The following SSH1 variants were observed in gnomAD, a reference collection of about 807,000 sequenced individuals.
SSH1 encodes slingshot protein phosphatase 1.
A neutral mutation model predicts 79.7 loss-of-function variants in SSH1; 43 were observed. The ratio of observed to expected loss-of-function variants is 0.54; its 90% CI spans 0.42 to 0.70. The LOEUF is 0.70. Among genes scored for constraint, SSH1 ranks in the 30% least tolerant of loss-of-function variants. SSH1 has a pLI of 0.00. For synonymous variants in SSH1, 599 were observed against 538.3 expected (o/e 1.11, Z -1.56); for missense variants, 1,206 against 1,358.8 (o/e 0.89, Z 1.77).
chr12:108,800,021 A>T (rs1399420418), intron 12 of SSH1, among the ~76,000 whole-genome samples: 2 of 152,138 alleles, frequency 1.3e-5, no homozygotes, highest in Non-Finnish European at 2.9e-5. Context: ...TTTTCCCCCT[A>T]ACTGCTGGTC....
intron 2 of SSH1, among the ~76,000 whole-genome samples, chr12:108,850,751 A>G: frequency 1.5e-5 from 1 of 64,632 alleles, no homozygotes; most frequent in African/African-American, 6.2e-5. Context: ...GGGAAGAGAG[A>G]TGGGGAGTCG....
chr12:108,798,350 T>C (rs2137018129), intron 13 of SSH1, among the ~76,000 whole-genome samples: 1 of 152,278 alleles, frequency 6.6e-6, no homozygotes, highest in Admixed American at 6.5e-5. Context: ...AAAGCATTTT[T>C]GTTTAAGAGA....
At position 108,818,306 on chromosome 12, in the gene SSH1, C is replaced by T. The variant is rs369445141; in HGVS notation, c.222G>A (p.Leu74=). The T allele has an allele frequency of 1.2e-6, 2 of 1,613,674 alleles. No homozygotes were observed. The highest frequency in any genetic ancestry group is 2.7e-5 in the African/African-American group (2 of 74,898). Residue 74 remains leucine, a synonymous_variant, in exon 4 of 15, where the codon CTG becomes CTA. Transcript: ENST00000326495. ...TGATCATCACCTGAAGATGTTGAGG[C>T]AGATCACCTGTTGGACCAATAAAGA... The part of the protein sequence containing the change: ...LQHPHKHAGD[L]PQHLQVMINL...
chr12:108,841,729 A>G lies in SSH1; in HGVS notation c.110+10909T>C, dbSNP rs71454750. 8.3e-3 allele frequency among the ~76,000 whole-genome samples: 1,266 copies of G among 152,224 alleles called. 9 individuals carry two copies. The highest frequency in any genetic ancestry group is 0.023 in the African/African-American group (970 of 41,518). Reference sequence around the variant, plus strand: ...GAGGCTGAGGCAGGAGAATCACTGGAACCCTGGAGGCAGAGGTTGCAGTGA... The same window carrying G: ...GAGGCTGAGGCAGGAGAATCACTGGGACCCTGGAGGCAGAGGTTGCAGTGA... On this transcript the variant is annotated intron_variant, in intron 2 of 14. Coordinates refer to ENST00000326495, the MANE Select transcript of SSH1 (RefSeq NM_018984.4).
intron 5 of SSH1, 131 bp from the exon 6 acceptor site, chr12:108,811,459 C>G: frequency 1.3e-6 from 1 of 785,636 alleles, no homozygotes. Context: ...GCATAGGAAC[C>G]GTTCACTGAT....
chr12:108,819,209 T>G (rs892761872), intron 3 of SSH1, among the ~76,000 whole-genome samples: 3 of 152,246 alleles, frequency 2.0e-5, no homozygotes, highest in African/African-American at 7.2e-5. Flanking sequence ...ATTTTCTCTT[T>G]TCTTGCTAAA....
intron 14 of SSH1, 144 bp downstream of exon 14, chr12:108,792,142 G>A: frequency 1.3e-6 from 2 of 1,507,048 alleles, no homozygotes; most frequent in South Asian, 2.6e-5. Context: ...GATGGGAGCT[G>A]GGGGCCCAGA....
At chr12:108,800,480 G>C (rs987090867) in intron 12 of SSH1, among the ~76,000 whole-genome samples, 9 of 152,176 alleles carry the variant, frequency 5.9e-5, no homozygotes, top group Admixed American at 2.6e-4. Context: ...AATCAGAGCT[G>C]ATGATGACAA....
At chr12:108,818,381 A>C in intron 3 of SSH1, 68 bp from the exon 4 acceptor site, 1 of 1,438,538 alleles carries the variant, frequency 7.0e-7, no homozygotes, top group Admixed American at 1.7e-5. Flanking sequence ...AACCTCTGAA[A>C]GGCTGACTTT....
chr12:108,857,540 A>AGCCGCC lies in SSH1; in HGVS notation c.-50_-45dup. On this transcript the variant is annotated 5_prime_UTR_variant, in exon 1 of 15. Coordinates refer to ENST00000326495, the MANE Select transcript of SSH1 (RefSeq NM_018984.4). The surrounding 1 kb of genome is among the most constrained non-coding windows in gnomAD (Gnocchi z 4.7). ...GGGCGCCACAGACGTCTCGAGCTAG[A>AGCCGCC]GCCGCCACCGCCACCGCCGCCCGGG... 1 of 1,037,186 alleles carries AGCCGCC rather than the reference A, an allele frequency of 9.6e-7. No homozygotes were observed. The highest frequency in any genetic ancestry group is 1.2e-6 in the Non-Finnish European group (1 of 856,100). The allele number at this position is 1,037,186 out of a possible 1,614,324, so 64.2% of individuals were successfully genotyped here.
chr12:108,788,790 A>G lies in SSH1; in HGVS notation c.2348T>C (p.Met783Thr). Reference protein sequence around the residue: ...IKEESSPKKDMKPAKDLRLLF... With the variant: ...IKEESSPKKDTKPAKDLRLLF... ...AAGCCTCAGGTCCTTGGCTGGCTTC[A>G]TATCTTTCTTGGGTGACGATTCTTC... The change falls in exon 15 of 15, where the codon ATG becomes ACG. Residue 783 changes from methionine to threonine, a missense_variant. This residue lies in a region of SSH1 where 709 missense variants were observed against 730.6 expected (regional missense o/e 0.97). Transcript: ENST00000326495. 3 of 1,614,254 alleles carry G rather than the reference A, an allele frequency of 1.9e-6. No individual in the cohort carries two copies. Among genetic ancestry groups the G allele is most frequent in the African/African-American group, 2.7e-5 (2 of 75,068 alleles).
At position 108,789,334 on chromosome 12, in the gene SSH1, G is replaced by C. The variant is rs1474653196; in HGVS notation, c.1894-90C>G. On this transcript the variant is annotated intron_variant, in intron 14 of 14. Transcript: ENST00000326495. ...AGGGTGGGCAGGGAAAGGGGTGCGA[G>C]GCCGGACTGGGGGCCAGGCCTGGAG... 5.1e-6 allele frequency: 7 copies of C among 1,376,498 alleles called. No individual in the cohort carries two copies. The Admixed American group carries it at 1.4e-4, about 27-fold the overall frequency. 85.3% of individuals were successfully genotyped at this position (1,376,498 alleles called of 1,614,324 possible).
intron 2 of SSH1, among the ~76,000 whole-genome samples, chr12:108,847,246 G>C (rs1264219746): frequency 1.3e-5 from 2 of 152,140 alleles, no homozygotes; most frequent in African/African-American, 4.8e-5. Flanking sequence ...AAAGGTCACA[G>C]TGTCATCCCT....
chr12:108,786,093 G>A lies in SSH1; in HGVS notation c.*1895C>T, dbSNP rs903776307. The A allele has an allele frequency of 1.3e-5, 2 of 152,238 alleles. No individual in the cohort carries two copies. Among genetic ancestry groups the A allele is most frequent in the South Asian group, 2.1e-4 (1 of 4,832 alleles). The allele number at this position is 152,238 out of a possible 1,614,324, so 9.4% of individuals were successfully genotyped here. A position where few individuals can be genotyped will look rare whatever the true frequency, so the allele number is the denominator to read the frequency against. ...ACTAGGTAAAATATGAACTAGCCTT[G>A]TTCCTGCAGATCCCTCCTGGGGTGC... On this transcript the variant is annotated 3_prime_UTR_variant, in exon 15 of 15. Transcript: ENST00000326495.
intron 1 of SSH1, 185 bp from the exon 2 acceptor site, chr12:108,852,863 G>A (rs1458722025): frequency 1.0e-6 from 1 of 985,266 alleles, no homozygotes; most frequent in Non-Finnish European, 1.2e-6. Context: ...ATTTCCGTGG[G>A]GGAATTTTCA....
rs1197475124 is a variant in SSH1 at position 108,846,700 on chromosome 12, G to T, written c.110+5938C>A. Reference sequence around the variant, plus strand: ...CTGTATTCTTATTTGCATCTTATAGGAATGTAGCCGGGTAAAGGAGGAAGG... The same window carrying T: ...CTGTATTCTTATTTGCATCTTATAGTAATGTAGCCGGGTAAAGGAGGAAGG... On this transcript the variant is annotated intron_variant, in intron 2 of 14. Coordinates refer to ENST00000326495, the MANE Select transcript of SSH1 (RefSeq NM_018984.4). Among the ~76,000 whole-genome samples, 19 of 152,304 alleles carry T rather than the reference G, an allele frequency of 1.2e-4. No individual in the cohort carries two copies. The East Asian group carries it at 3.3e-3, about 26-fold the overall frequency.
chr12:108,793,175 T>C (rs937946125), intron 13 of SSH1, among the ~76,000 whole-genome samples: 1 of 152,154 alleles, frequency 6.6e-6, no homozygotes, highest in African/African-American at 2.4e-5. Context: ...CTCTCATTTC[T>C]CTGTCAAATA....
intron 2 of SSH1, among the ~76,000 whole-genome samples, chr12:108,832,676 G>T (rs2038502962): frequency 6.6e-6 from 1 of 152,168 alleles, no homozygotes; most frequent in Non-Finnish European, 1.5e-5. Context: ...TCTCCCACAG[G>T]TTCTTCCCTC....
intron 1 of SSH1, 31 bp from the exon 2 acceptor site, chr12:108,852,709 C>A: frequency 6.2e-7 from 1 of 1,613,990 alleles, no homozygotes; most frequent in African/African-American, 1.3e-5. Context: ...TATCACACCA[C>A]AGGCACCACT....
Sources: allele counts gnomAD v4.1 joint callset (sites outside exome capture counted in the v4.1 genomes callset), GRCh38; gene constraint gnomAD v4.1.1; regional missense constraint gnomAD v4.1.1; non-coding constraint Gnocchi (gnomAD v3.1); transcripts MANE v1.5; gene names NCBI Gene and HGNC (gene_info 2026-07-23, HGNC 2026-07-21).